The following SH3BP5 variants were observed in gnomAD, a reference collection of about 807,000 sequenced individuals.
The protein encoded by SH3BP5 is SH3 domain binding protein 5, also known as SH3 domain-binding protein 5.
SH3BP5 carries 22 observed loss-of-function variants against 43.3 expected under a neutral mutation model. The observed-to-expected ratio is 0.51, with a 90% CI of 0.36 to 0.73. The LOEUF (loss-of-function observed/expected upper bound fraction) is 0.73. SH3BP5 is among the 30% of genes least tolerant of loss of function. The pLI, the probability that SH3BP5 is intolerant of heterozygous loss-of-function variation, is 0.00. For synonymous variants in SH3BP5, 255 were observed against 225.8 expected, an observed-to-expected ratio of 1.13 and a Z score of -1.16; for missense variants, 529 against 586.9, an observed-to-expected ratio of 0.90 and a Z score of 1.02.
chr3:15,303,941 C>T (rs1056585432), intron 3 of SH3BP5, among the ~76,000 whole-genome samples, 162 bp downstream of exon 3: 3 of 152,132 alleles, frequency 2.0e-5, no homozygotes, highest in African/African-American at 7.2e-5. Context: ...TTAATAGTGT[C>T]GAGCACTGGA....
At chr3:15,259,528 G>A in intron 6 of SH3BP5, 1 of 612,018 alleles carries the variant, frequency 1.6e-6, no homozygotes, top group Non-Finnish European at 2.9e-6. Flanking sequence ...AGAGCATGCT[G>A]TGAGAACCAC....
intron 2 of SH3BP5, among the ~76,000 whole-genome samples, chr3:15,317,917 G>T (rs768654836): frequency 3.3e-5 from 5 of 152,212 alleles, no homozygotes; most frequent in Admixed American, 6.5e-5. Context: ...GTCCTAGACA[G>T]CATTCTTTCA....
At chr3:15,299,168 G>T (rs1368939629) in intron 3 of SH3BP5, among the ~76,000 whole-genome samples, 1 of 152,194 alleles carries the variant, frequency 6.6e-6, no homozygotes, top group Non-Finnish European at 1.5e-5. Flanking sequence ...GATTCACATG[G>T]GCTCCGCCCT....
chr3:15,262,260 C>T lies in SH3BP5; in HGVS notation c.525G>A (p.Arg175=). 4 of 1,614,218 alleles carry T rather than the reference C, an allele frequency of 2.5e-6. No homozygotes were observed. Among genetic ancestry groups the T allele is most frequent in the Non-Finnish European group, 3.4e-6 (4 of 1,180,034 alleles). ...RVMEAEQTKT[R]SELVHKETAA... is the part of the protein sequence containing the mutation. Reference sequence around the variant, plus strand: ...CCGTCTCCTTATGCACCAGCTCGCTCCTGGTCTTGGTCTGCTCCGCCTCCA... The same window carrying T: ...CCGTCTCCTTATGCACCAGCTCGCTTCTGGTCTTGGTCTGCTCCGCCTCCA... Residue 175 remains arginine (R), a synonymous_variant, in exon 5 of 9, where the codon AGG becomes AGA. Coordinates refer to ENST00000383791, the MANE Select transcript of SH3BP5 (RefSeq NM_004844.5).
intron 3 of SH3BP5, among the ~76,000 whole-genome samples, chr3:15,297,356 G>A (rs1575323179): frequency 2.0e-5 from 3 of 152,134 alleles, no homozygotes; most frequent in African/African-American, 7.2e-5. Flanking sequence ...CCAGCCAGGA[G>A]AGGCCTGTTT....
chr3:15,303,669 C>T (rs530566721), intron 3 of SH3BP5, among the ~76,000 whole-genome samples: 3 of 151,108 alleles, frequency 2.0e-5, no homozygotes, highest in African/African-American at 7.3e-5. Context: ...TGTATAACAA[C>T]TCACCTGCCA....
chr3:15,340,490 G>A (rs887660065), intron 1 of SH3BP5, among the ~76,000 whole-genome samples: 8 of 152,082 alleles, frequency 5.3e-5, no homozygotes, highest in Non-Finnish European at 7.4e-5. Flanking sequence ...AACATAGGCC[G>A]GCATGGTGGC....
intron 3 of SH3BP5, among the ~76,000 whole-genome samples, chr3:15,297,082 T>C (rs1253811822): frequency 2.6e-5 from 4 of 152,156 alleles, no homozygotes; most frequent in African/African-American, 9.7e-5. Flanking sequence ...AGGATTAACA[T>C]AATAGTTCAG....
chr3:15,318,514 T>C (rs1422079693), intron 2 of SH3BP5, among the ~76,000 whole-genome samples: 2 of 146,248 alleles, frequency 1.4e-5, no homozygotes, highest in Non-Finnish European at 3.0e-5. Flanking sequence ...CTATGTAGTT[T>C]AGTTTCTGTC....
intron 3 of SH3BP5, among the ~76,000 whole-genome samples, chr3:15,291,226 C>T (rs17040960): frequency 0.1 from 15,442 of 152,200 alleles, 930 homozygotes; most frequent in East Asian, 0.23. Flanking sequence ...TGTCTGTGTT[C>T]ACTTGTGCCC....
intron 3 of SH3BP5, among the ~76,000 whole-genome samples, chr3:15,279,570 T>A (rs1040233116): frequency 4.6e-5 from 7 of 151,664 alleles, no homozygotes; most frequent in African/African-American, 1.7e-4. Context: ...CAGCTAGGAG[T>A]AAGAAGGGAG....
Position 15,257,125 on chromosome 3 carries a change from G to C in SH3BP5, c.890-12C>G. On this transcript the variant is annotated splice_polypyrimidine_tract_variant and intron_variant, in intron 7 of 8. Coordinates refer to ENST00000383791, the MANE Select transcript of SH3BP5 (RefSeq NM_004844.5). ...GGCCTCCGAGGCCACTAAGTTGAGA[G>C]AGAACACCAGTCACATGGGTTCTGT... 1 of 1,611,018 alleles carries C rather than the reference G, an allele frequency of 6.2e-7. No homozygotes were observed. The highest frequency in any genetic ancestry group is 8.5e-7 in the Non-Finnish European group (1 of 1,177,722).
chr3:15,269,551 C>T (rs985197228), intron 4 of SH3BP5, among the ~76,000 whole-genome samples, 162 bp downstream of exon 4: 2 of 152,232 alleles, frequency 1.3e-5, no homozygotes, highest in Non-Finnish European at 2.9e-5. Flanking sequence ...GCACTGGCTT[C>T]GTACCAAGCG....
At chr3:15,294,077 C>CAAAAAAAAAAAAAAAAAA (rs111324706) in intron 3 of SH3BP5, among the ~76,000 whole-genome samples, 4 of 70,918 alleles carry the variant, frequency 5.6e-5, no homozygotes, top group Admixed American at 1.7e-4. Context: ...GTCTCCATCT[C>CAAAAAAAAAAAAAAAAAA]AAAAAAAAAA....
At chr3:15,280,684 C>G (rs763038939) in intron 3 of SH3BP5, among the ~76,000 whole-genome samples, 1 of 152,160 alleles carries the variant, frequency 6.6e-6, no homozygotes, top group Non-Finnish European at 1.5e-5. Flanking sequence ...TGCCCCACCT[C>G]TTAATTCTTC....
Position 15,256,006 on chromosome 3 carries a change from T to C in SH3BP5, c.*80A>G. The C allele has an allele frequency of 3.5e-6, 4 of 1,158,164 alleles. No homozygotes were observed. The highest frequency in any genetic ancestry group is 4.7e-5 in the East Asian group (2 of 42,488). 71.7% of individuals were successfully genotyped at this position (1,158,164 alleles called of 1,614,324 possible). A position where few individuals can be genotyped will look rare whatever the true frequency, so the allele number is the denominator to read the frequency against. On this transcript the variant is annotated 3_prime_UTR_variant, in exon 9 of 9. Coordinates refer to ENST00000383791, the MANE Select transcript of SH3BP5 (RefSeq NM_004844.5). ...GAGTAGACGTGTAAGATTTGGCATA[T>C]ATTAAATGATTATTGGCACAATGTT...
intron 4 of SH3BP5, among the ~76,000 whole-genome samples, chr3:15,268,189 C>A (rs921376051): frequency 6.6e-6 from 1 of 152,176 alleles, no homozygotes; most frequent in African/African-American, 2.4e-5. Flanking sequence ...GGGAGAGGTG[C>A]GTAAAGTCAA....
chr3:15,290,833 G>C (rs1697393306), intron 3 of SH3BP5, among the ~76,000 whole-genome samples: 2 of 152,160 alleles, frequency 1.3e-5, no homozygotes. Context: ...CCATGCCCAT[G>C]AAAGTTTTAA....
At chr3:15,329,675 A>G (rs958056510) in intron 2 of SH3BP5, among the ~76,000 whole-genome samples, 1 of 152,142 alleles carries the variant, frequency 6.6e-6, no homozygotes, top group African/African-American at 2.4e-5. Context: ...GACGTTTGCT[A>G]TTTCTCCTGC....
Sources: gnomAD v4.1 joint callset for allele counts (sites outside exome capture counted in the v4.1 genomes callset) on GRCh38, gnomAD v4.1.1 for gene constraint, MANE v1.5 for transcripts, NCBI Gene and HGNC (gene_info 2026-07-23, HGNC 2026-07-21) for gene names.